The following METTL9 variants were observed in gnomAD, a reference collection of about 807,000 sequenced individuals.
METTL9 encodes methyltransferase 9, His-X-His N1(pi)-histidine, also known as protein-L-histidine N-pros-methyltransferase.
METTL9 carries 10 observed loss-of-function variants against 36.0 expected under a neutral mutation model. The observed-to-expected ratio is 0.28, with a 90% CI of 0.17 to 0.47. METTL9 has a LOEUF of 0.47. Among genes scored for constraint, METTL9 ranks in the 20% least tolerant of loss-of-function variants. The pLI, the probability that METTL9 is intolerant of heterozygous loss-of-function variation, is 0.99. For synonymous variants in METTL9, 175 were observed against 149.7 expected, an observed-to-expected ratio of 1.17 and a Z score of -1.23; for missense variants, 246 against 383.5, an observed-to-expected ratio of 0.64 and a Z score of 3.00.
intron 3 of METTL9, among the ~76,000 whole-genome samples, chr16:21,619,649 G>C (rs1230656553): frequency 6.7e-6 from 1 of 149,522 alleles, no homozygotes; most frequent in Non-Finnish European, 1.5e-5. Flanking sequence ...TGTTGGCCAG[G>C]CTGGTCTCAA....
At chr16:21,626,803 G>A (rs1965824161) in intron 4 of METTL9, 2 of 269,770 alleles carry the variant, frequency 7.4e-6, no homozygotes, top group Middle Eastern at 1.9e-3. Context: ...GAAGGTCCTG[G>A]GTTCCTGTGT....
intron 2 of METTL9, among the ~76,000 whole-genome samples, chr16:21,613,786 T>C (rs1965490368): frequency 1.3e-5 from 2 of 151,942 alleles, no homozygotes; most frequent in South Asian, 4.2e-4. Context: ...GTCCCCAGAG[T>C]GGTTCCCTCA....
At chr16:21,651,299 A>G (rs1269563044) in intron 4 of METTL9, among the ~76,000 whole-genome samples, 1 of 152,076 alleles carries the variant, frequency 6.6e-6, no homozygotes, top group Non-Finnish European at 1.5e-5. Context: ...CTCTCTATCT[A>G]GTAAGTAAGA....
At chr16:21,603,714 T>C (rs538039440) in intron 1 of METTL9, among the ~76,000 whole-genome samples, 1 of 152,298 alleles carries the variant, frequency 6.6e-6, no homozygotes, top group African/African-American at 2.4e-5. Context: ...CAGTAGCTTC[T>C]CAATTGATGG....
rs1169450835 is a variant in METTL9, at chr16:21,612,664, A to G, written c.185A>G (p.Glu62Gly). 2 of 1,544,816 alleles carry G rather than the reference A, an allele frequency of 1.3e-6. No homozygotes were observed. Among genetic ancestry groups the G allele is most frequent in the Non-Finnish European group, 1.7e-6 (2 of 1,153,296 alleles). ...ENHQWYVCNR[E>G]KLCESLQAVF... The stretch of plus-strand genomic sequence containing the variant: ...TTTTAGTGGTATGTGTGCAACAGAG[A>G]GAAATTATGCGAATCACTCCAGGCT... Residue 62 changes from glutamate (E) to glycine (G), a missense_variant, in exon 2 of 5, where the codon GAG becomes GGG. This residue lies in a region of METTL9 where 146 missense variants were observed against 302.1 expected (regional missense o/e 0.48). Transcript: ENST00000358154.
upstream of METTL9, chr16:21,597,258 G>A (rs941743074): frequency 2.6e-5 from 33 of 1,288,792 alleles, no homozygotes; most frequent in Non-Finnish European, 3.1e-5. Flanking sequence ...CTTCTTAGAT[G>A]GATCGAAAGA....
chr16:21,626,251 T>G (rs920794637), intron 4 of METTL9, among the ~76,000 whole-genome samples: 2 of 152,180 alleles, frequency 1.3e-5, no homozygotes, highest in African/African-American at 2.4e-5. Flanking sequence ...GACCTTGACT[T>G]CAGAAACTCT....
At chr16:21,646,255 G>A (rs950915912) in intron 4 of METTL9, 12 of 151,982 alleles carry the variant, frequency 7.9e-5, no homozygotes, top group African/African-American at 2.7e-4. Flanking sequence ...GTCCTCGCTC[G>A]GCTGAGGAAT....
intron 4 of METTL9, among the ~76,000 whole-genome samples, chr16:21,638,793 C>G (rs1466579529): frequency 1.3e-5 from 2 of 152,110 alleles, no homozygotes; most frequent in Non-Finnish European, 2.9e-5. Flanking sequence ...TGTGCAAAAG[C>G]ATGAAGGTGT....
chr16:21,635,608 AT>A (rs1033952149), intron 4 of METTL9, among the ~76,000 whole-genome samples: 1 of 152,074 alleles, frequency 6.6e-6, no homozygotes, highest in African/African-American at 2.4e-5. Context: ...TCAGGTGGCC[AT>A]TTTTCCCCAT....
intron 3 of METTL9, among the ~76,000 whole-genome samples, chr16:21,620,850 A>T (rs993860590): frequency 2.6e-5 from 4 of 152,174 alleles, no homozygotes; most frequent in African/African-American, 9.7e-5. Context: ...GAGGTCACCC[A>T]ATCCAAGATG....
intron 2 of METTL9, among the ~76,000 whole-genome samples, chr16:21,616,859 G>A (rs1236100839): frequency 6.6e-6 from 1 of 151,946 alleles, no homozygotes; most frequent in African/African-American, 2.4e-5. Context: ...CTGTGGTCTG[G>A]CTGTGTTAGC....
At chr16:21,616,771 C>G (rs755396153) in intron 2 of METTL9, among the ~76,000 whole-genome samples, 1 of 152,162 alleles carries the variant, frequency 6.6e-6, no homozygotes, top group Non-Finnish European at 1.5e-5. Flanking sequence ...ATCTGTTATA[C>G]TAAAGCTCTT....
chr16:21,622,141 C>CGTTTTTTTTTTT, intron 3 of METTL9, among the ~76,000 whole-genome samples: 1 of 34,922 alleles, frequency 2.9e-5, no homozygotes, highest in Non-Finnish European at 4.6e-5. Flanking sequence ...CATGCCTGGC[C>CGTTTTTTTTTTT]TTTTTTTTTT....
intron 4 of METTL9, among the ~76,000 whole-genome samples, chr16:21,647,754 G>A (rs1415062139): frequency 6.6e-6 from 1 of 152,116 alleles, no homozygotes; most frequent in Non-Finnish European, 1.5e-5. Flanking sequence ...TCCCTGTGCA[G>A]GAGGCCTGCA....
At chr16:21,652,636 A>C in intron 4 of METTL9, 1 of 1,548,688 alleles carries the variant, frequency 6.5e-7, no homozygotes, top group Admixed American at 1.8e-5. Context: ...TGTGTATTTG[A>C]AAGGAAAGTT....
At chr16:21,628,104 A>G (rs1321904495) in intron 4 of METTL9, among the ~76,000 whole-genome samples, 1 of 152,194 alleles carries the variant, frequency 6.6e-6, no homozygotes, top group African/African-American at 2.4e-5. Context: ...ATTATAAATA[A>G]CTTCTGTTGC....
intron 1 of METTL9, among the ~76,000 whole-genome samples, chr16:21,608,190 CAT>C (rs1205310869): frequency 2.0e-5 from 3 of 152,038 alleles, no homozygotes. Context: ...TACACAGGAG[CAT>C]ACAGACAAGC....
At chr16:21,618,706 T>C (rs1965617980) in intron 3 of METTL9, among the ~76,000 whole-genome samples, 1 of 151,696 alleles carries the variant, frequency 6.6e-6, no homozygotes, top group South Asian at 2.1e-4. Context: ...CAAAATTTTC[T>C]TTTCTTTTCT....
Sources: allele counts gnomAD v4.1 joint callset (sites outside exome capture counted in the v4.1 genomes callset), GRCh38; gene constraint gnomAD v4.1.1; regional missense constraint gnomAD v4.1.1; transcripts MANE v1.5; gene names NCBI Gene and HGNC (gene_info 2026-07-23, HGNC 2026-07-21).